Variants in FGGY observed in about 807,000 individuals in gnomAD.
FGGY encodes FGGY carbohydrate kinase domain-containing protein.
In FGGY, 72 loss-of-function variants were observed where a neutral mutation model predicts 71.3. That is an observed-to-expected ratio of 1.01 (90% CI 0.84 to 1.23). FGGY has a LOEUF of 1.23. Among genes scored for constraint, FGGY ranks in the 50% most tolerant of loss-of-function variants. The pLI is 0.00. For missense variants in FGGY, 668 were observed against 682.3 expected (o/e 0.98, Z 0.23); for synonymous variants, 251 against 250.3 (o/e 1.00, Z -0.02).
At chr1:59,441,428 AT>A (rs1284452437) in intron 5 of FGGY, among the ~76,000 whole-genome samples, 1 of 152,196 alleles carries the variant, frequency 6.6e-6, no homozygotes, top group Non-Finnish European at 1.5e-5. Context: ...CCATTATTTC[AT>A]TTAGTTCGGA....
At chr1:59,593,208 C>T (rs1199285835) in intron 8 of FGGY, among the ~76,000 whole-genome samples, 1 of 152,234 alleles carries the variant, frequency 6.6e-6, no homozygotes, top group Non-Finnish European at 1.5e-5. Context: ...AAATGAACCA[C>T]TGTGCAGGTT....
chr1:59,425,767 T>A (rs2066256508), intron 5 of FGGY, among the ~76,000 whole-genome samples: 1 of 152,216 alleles, frequency 6.6e-6, no homozygotes, highest in Non-Finnish European at 1.5e-5. Flanking sequence ...TTTTCTGGCC[T>A]ATGTTCTTTG....
chr1:59,525,541 G>A (rs2094953993), intron 7 of FGGY, among the ~76,000 whole-genome samples: 1 of 152,188 alleles, frequency 6.6e-6, no homozygotes, highest in South Asian at 2.1e-4. Flanking sequence ...TTAGAATAAT[G>A]TCTGGCCATA....
chr1:59,335,022 G>T (rs1019475467), intron 2 of FGGY, among the ~76,000 whole-genome samples: 4 of 151,854 alleles, frequency 2.6e-5, no homozygotes, highest in African/African-American at 9.7e-5. Context: ...ATATATCATG[G>T]ATGTCTTTCC....
intron 5 of FGGY, among the ~76,000 whole-genome samples, chr1:59,414,274 G>A (rs1182520150): frequency 6.6e-6 from 1 of 152,132 alleles, no homozygotes; most frequent in Non-Finnish European, 1.5e-5. Flanking sequence ...GTGGTGACCT[G>A]GCATACTGTA....
intron 5 of FGGY, among the ~76,000 whole-genome samples, chr1:59,435,056 T>C (rs887473815): frequency 3.9e-5 from 6 of 152,086 alleles, no homozygotes; most frequent in Non-Finnish European, 8.8e-5. Flanking sequence ...CCGGCAGCAG[T>C]GATAGACAGG....
intron 4 of FGGY, among the ~76,000 whole-genome samples, chr1:59,373,847 T>A (rs567007453): frequency 6.6e-6 from 1 of 152,220 alleles, no homozygotes; most frequent in East Asian, 1.9e-4. Context: ...GAAAACTGGC[T>A]AGCCAGGAGA....
At chr1:59,323,272 G>C (rs1288424121) in intron 2 of FGGY, among the ~76,000 whole-genome samples, 1 of 152,212 alleles carries the variant, frequency 6.6e-6, no homozygotes, top group Non-Finnish European at 1.5e-5. Context: ...TCTACTCTAA[G>C]TACAGCTGGT....
intron 5 of FGGY, among the ~76,000 whole-genome samples, chr1:59,407,530 A>C (rs1267059345): frequency 6.6e-6 from 1 of 151,940 alleles, no homozygotes; most frequent in Admixed American, 6.5e-5. Flanking sequence ...ATTCCCTTGA[A>C]CCTGACTAGC....
rs138143516 is a variant in FGGY, at chr1:59,354,734, G to A, written c.465+8336G>A. Among the ~76,000 whole-genome samples the A allele has an allele frequency of 6.6e-5, 10 of 152,316 alleles. No individual in the cohort carries two copies. In the East Asian group the frequency reaches 1.9e-3, roughly 29 times the overall value. Reference sequence around the variant, plus strand: ...GAATGAGTGGGATAAGGGCCCTGGGGTAGGCTTCTGGGAACTTAGAGTCTA... The same window carrying A: ...GAATGAGTGGGATAAGGGCCCTGGGATAGGCTTCTGGGAACTTAGAGTCTA... On this transcript the variant is annotated intron_variant, in intron 4 of 15. Transcript: ENST00000303721.
At chr1:59,496,337 T>TAC (rs1441259806) in intron 6 of FGGY, among the ~76,000 whole-genome samples, 1 of 152,172 alleles carries the variant, frequency 6.6e-6, no homozygotes, top group East Asian at 1.9e-4. Flanking sequence ...CCTGGAATAC[T>TAC]ACACAGCCAT....
At chr1:59,571,769 TGTA>T (rs1377014051) in intron 8 of FGGY, among the ~76,000 whole-genome samples, 2 of 152,216 alleles carry the variant, frequency 1.3e-5, no homozygotes, top group African/African-American at 4.8e-5. Flanking sequence ...ATACTTAAAA[TGTA>T]GGAACTACAG....
chr1:59,590,896 T>A (rs1401254901), intron 8 of FGGY, among the ~76,000 whole-genome samples: 1 of 152,140 alleles, frequency 6.6e-6, no homozygotes, highest in Non-Finnish European at 1.5e-5. Context: ...GGATGCCCTG[T>A]CTCACCACTC....
chr1:59,674,447 C>G (rs2097416290), intron 14 of FGGY, among the ~76,000 whole-genome samples: 1 of 152,076 alleles, frequency 6.6e-6, no homozygotes, highest in Non-Finnish European at 1.5e-5. Context: ...AGGTAAGGCT[C>G]AAAACTTCAG....
intron 8 of FGGY, among the ~76,000 whole-genome samples, chr1:59,604,809 A>T (rs182747469): frequency 9.8e-4 from 150 of 152,324 alleles, no homozygotes; most frequent in African/African-American, 3.3e-3. Context: ...GGGCTGCAAG[A>T]CACAGAAAGA....
rs2065573258 is a variant in FGGY, at chr1:59,422,279, A to G, written c.555-34682A>G. Among the ~76,000 whole-genome samples, 3 of 152,202 alleles carry G rather than the reference A, an allele frequency of 2.0e-5. No homozygotes were observed. In the South Asian group the frequency reaches 6.2e-4, roughly 32 times the overall value. ...AATAGTTTGGTGATTTACCAGGTTC[A>G]ATGCCTTTTAATAGATTCAGTTGCT... On this transcript the variant is annotated intron_variant, in intron 5 of 15. Coordinates refer to ENST00000303721, the MANE Select transcript of FGGY (RefSeq NM_018291.5).
At chr1:59,675,320 G>T (rs554406090) in intron 14 of FGGY, among the ~76,000 whole-genome samples, 2 of 152,120 alleles carry the variant, frequency 1.3e-5, no homozygotes, top group Non-Finnish European at 2.9e-5. Flanking sequence ...GGTGCTTTTT[G>T]TATAATCTTC....
chr1:59,606,522 T>G (rs1338497720), intron 8 of FGGY, among the ~76,000 whole-genome samples: 1 of 152,194 alleles, frequency 6.6e-6, no homozygotes, highest in Non-Finnish European at 1.5e-5. Flanking sequence ...CTGTTATGTA[T>G]TAACATTTTT....
chr1:59,491,469 A>G (rs1369317196), intron 6 of FGGY, among the ~76,000 whole-genome samples: 4 of 151,854 alleles, frequency 2.6e-5, no homozygotes, highest in Admixed American at 6.6e-5. Flanking sequence ...TTTTGTAGCT[A>G]TTGTAAATGG....
Sources: allele counts gnomAD v4.1 joint callset (sites outside exome capture counted in the v4.1 genomes callset), GRCh38; gene constraint gnomAD v4.1.1; transcripts MANE v1.5; gene names NCBI Gene and HGNC (gene_info 2026-07-23, HGNC 2026-07-21).